WNT7A: variants seen among roughly 807,000 people sequenced by gnomAD.
WNT7A encodes the protein protein Wnt-7a.
WNT7A carries 16 observed loss-of-function variants against 28.2 expected under a neutral mutation model. That is an observed-to-expected ratio of 0.57 (90% CI 0.38 to 0.86). The LOEUF is 0.86. Among genes scored for constraint, WNT7A ranks in the 40% least tolerant of loss-of-function variants. WNT7A has a pLI of 0.00. For missense variants in WNT7A, 411 were observed against 489.7 expected (o/e 0.84, Z 1.52); for synonymous variants, 190 against 195.9 (o/e 0.97, Z 0.25).
chr3:13,854,914 G>T (rs1344507811), intron 2 of WNT7A, 111 bp from the exon 3 acceptor site: 8 of 1,425,846 alleles, frequency 5.6e-6, no homozygotes, highest in Middle Eastern at 4.8e-4. Context: ...GCTCTCCAAA[G>T]CTCGACTGAG....
chr3:13,879,074 A>G (rs113426347), intron 1 of WNT7A, among the ~76,000 whole-genome samples: 1,857 of 151,852 alleles, frequency 0.012, 49 homozygotes, highest in African/African-American at 0.043. Context: ...TGTGTCTCAG[A>G]CCGCCTCTCG....
chr3:13,845,037 T>TG (rs1305501933), intron 3 of WNT7A, among the ~76,000 whole-genome samples: 2 of 152,244 alleles, frequency 1.3e-5, no homozygotes, highest in African/African-American at 2.4e-5. Flanking sequence ...ACTGAGCCCC[T>TG]GACTCTACCT....
chr3:13,854,222 G>A (rs1694687771), intron 3 of WNT7A, among the ~76,000 whole-genome samples: 1 of 152,056 alleles, frequency 6.6e-6, no homozygotes, highest in Non-Finnish European at 1.5e-5. Context: ...GGCAGGAAGG[G>A]AGCAAGGGAG....
intron 3 of WNT7A, among the ~76,000 whole-genome samples, chr3:13,840,263 T>C (rs1432692019): frequency 6.6e-6 from 1 of 152,312 alleles, no homozygotes; most frequent in East Asian, 1.9e-4. Context: ...TGCCCTCTCA[T>C]CCTGCTTTGT....
At position 13,880,001 on chromosome 3, in the gene WNT7A, G is replaced by T; in HGVS notation, c.-185C>A. On this transcript the variant is annotated 5_prime_UTR_variant, in exon 1 of 4. Transcript: ENST00000285018. ...CCAGGAGCACGGGAGCCACGGAGCG[G>T]GAGGAGGGAGGGAGGAGCGAGCGCG... The T allele has an allele frequency of 2.5e-6, 1 of 397,282 alleles. No individual in the cohort carries two copies. 24.6% of individuals were successfully genotyped at this position (397,282 alleles called of 1,614,324 possible).
chr3:13,829,230 T>C (rs113163145), intron 3 of WNT7A, among the ~76,000 whole-genome samples: 1 of 152,132 alleles, frequency 6.6e-6, no homozygotes, highest in Non-Finnish European at 1.5e-5. Context: ...AAAAGACTGT[T>C]GAGCTTCTGA....
intron 3 of WNT7A, among the ~76,000 whole-genome samples, chr3:13,838,262 G>T (rs556795955): frequency 2.0e-5 from 3 of 152,198 alleles, no homozygotes; most frequent in African/African-American, 7.2e-5. Context: ...TCTCTCAGCT[G>T]TGCGGCTTCG....
In WNT7A at chr3:13,862,243, C is replaced by A. The variant is rs368653406; in HGVS notation, c.299-7440G>T. On this transcript the variant is annotated intron_variant, in intron 2 of 3. Coordinates refer to ENST00000285018, the MANE Select transcript of WNT7A (RefSeq NM_004625.4). ...TTATCACTGAGACGAAAATGGGGAGCCCAGCTGACGCCCTCTGTGGTTCCA... is the reference window on the plus strand; with the variant it reads ...TTATCACTGAGACGAAAATGGGGAGACCAGCTGACGCCCTCTGTGGTTCCA... Among the ~76,000 whole-genome samples, 3 of 152,330 alleles carry A rather than the reference C, an allele frequency of 2.0e-5. No homozygotes were observed. The South Asian group carries it at 6.2e-4, about 32-fold the overall frequency.
chr3:13,850,856 G>C (rs959825173), intron 3 of WNT7A, among the ~76,000 whole-genome samples: 18 of 152,000 alleles, frequency 1.2e-4, no homozygotes, highest in African/African-American at 4.1e-4. Context: ...ATGTCTACAC[G>C]CACTCACAAA....
At chr3:13,878,117 A>ACTCC (rs142308176) in intron 1 of WNT7A, among the ~76,000 whole-genome samples, 1 of 150,562 alleles carries the variant, frequency 6.6e-6, no homozygotes, top group Non-Finnish European at 1.5e-5. Context: ...GCCCTGCAGG[A>ACTCC]CTCCCTCCCT....
intron 3 of WNT7A, among the ~76,000 whole-genome samples, chr3:13,828,131 T>C (rs1694226995): frequency 6.6e-6 from 1 of 152,190 alleles, no homozygotes; most frequent in Non-Finnish European, 1.5e-5. Context: ...TAAGGATGGG[T>C]GACTCAGACC....
In WNT7A at chr3:13,837,213, G is replaced by A. The variant is rs139488603; in HGVS notation, c.570+17319C>T. Among the ~76,000 whole-genome samples, 112 of 152,220 alleles carry A rather than the reference G, an allele frequency of 7.4e-4. 1 individual carries two copies. Among genetic ancestry groups the A allele is most frequent in the African/African-American group, 2.6e-3 (110 of 41,534 alleles). ...CTTAAAATGTCAGGTATTCCAGGAC[G>A]ACACCAAGCCCATTCCTGCCCCAGG... On this transcript the variant is annotated intron_variant, in intron 3 of 3. Coordinates refer to ENST00000285018, the MANE Select transcript of WNT7A (RefSeq NM_004625.4).
chr3:13,827,856 G>A (rs758306964), intron 3 of WNT7A, among the ~76,000 whole-genome samples: 18 of 152,100 alleles, frequency 1.2e-4, no homozygotes, highest in Admixed American at 8.5e-4. Flanking sequence ...AGCACTGGGC[G>A]CTCCAGGATC....
chr3:13,828,880 C>T (rs1290795473), intron 3 of WNT7A, among the ~76,000 whole-genome samples: 1 of 152,172 alleles, frequency 6.6e-6, no homozygotes, highest in East Asian at 1.9e-4. Context: ...GGCACTGTGG[C>T]AGAGTCAGGT....
chr3:13,867,300 T>C (rs1269129825), intron 2 of WNT7A, among the ~76,000 whole-genome samples: 1 of 152,118 alleles, frequency 6.6e-6, no homozygotes, highest in Non-Finnish European at 1.5e-5. Flanking sequence ...ATTTCAGTAC[T>C]CACTTGGCAG....
At chr3:13,861,993 A>G (rs1266477399) in intron 2 of WNT7A, among the ~76,000 whole-genome samples, 1 of 152,190 alleles carries the variant, frequency 6.6e-6, no homozygotes, top group African/African-American at 2.4e-5. Flanking sequence ...AGGTGACTTC[A>G]GCTCAGAACT....
intron 3 of WNT7A, among the ~76,000 whole-genome samples, chr3:13,840,652 C>T (rs1216058898): frequency 2.0e-5 from 3 of 152,048 alleles, no homozygotes; most frequent in South Asian, 4.2e-4. Flanking sequence ...ATCCATCTAT[C>T]CTACTACCCA....
chr3:13,867,952 T>G (rs1327683887), intron 2 of WNT7A, among the ~76,000 whole-genome samples: 1 of 152,220 alleles, frequency 6.6e-6, no homozygotes, highest in Non-Finnish European at 1.5e-5. Context: ...GTGTTGGAGC[T>G]GTGCTTCCAG....
chr3:13,877,529 A>G (rs1239795171), intron 1 of WNT7A, among the ~76,000 whole-genome samples: 1 of 152,248 alleles, frequency 6.6e-6, no homozygotes, highest in Non-Finnish European at 1.5e-5. Flanking sequence ...ATAGGTTGGC[A>G]TACTGGGGCC....
Sources: allele counts gnomAD v4.1 joint callset (sites outside exome capture counted in the v4.1 genomes callset), GRCh38; gene constraint gnomAD v4.1.1; transcripts MANE v1.5; gene names NCBI Gene and HGNC (gene_info 2026-07-23, HGNC 2026-07-21).